The following CDK8 variants were observed in gnomAD, a reference collection of about 807,000 sequenced individuals.
The protein encoded by CDK8 is cyclin dependent kinase 8.
Under a neutral mutation model 71.5 loss-of-function variants are expected in CDK8, and 29 were observed. That is an observed-to-expected ratio of 0.41 (90% confidence interval 0.30 to 0.55). CDK8 has a LOEUF of 0.55. CDK8 is among the 20% of genes least tolerant of loss of function. CDK8 has a pLI of 0.37. For synonymous variants in CDK8, 161 were observed against 192.1 expected (o/e 0.84, Z 1.34); for missense variants, 288 against 572.6 (o/e 0.50, Z 5.07).
intron 4 of CDK8, among the ~76,000 whole-genome samples, chr13:26,365,173 G>A (rs556138113): frequency 1.3e-5 from 2 of 152,276 alleles, no homozygotes; most frequent in Admixed American, 1.3e-4. Context: ...ATTTAGGCTT[G>A]CAGATAAAAC....
At chr13:26,393,239 G>GA (rs200393346) in intron 6 of CDK8, 128 bp from the exon 7 acceptor site, 6 of 600,076 alleles carry the variant, frequency 1.0e-5, no homozygotes, top group Middle Eastern at 4.0e-4. Flanking sequence ...GGGAAAGAAA[G>GA]AAAAAAACAC....
At chr13:26,366,038 TA>T (rs1874373142) in intron 4 of CDK8, among the ~76,000 whole-genome samples, 1 of 152,138 alleles carries the variant, frequency 6.6e-6, no homozygotes, top group Non-Finnish European at 1.5e-5. Flanking sequence ...GTTTTAGAGT[TA>T]TTTTCCAGAC....
intron 1 of CDK8, among the ~76,000 whole-genome samples, chr13:26,328,668 A>G (rs1443444216): frequency 6.6e-6 from 1 of 152,228 alleles, no homozygotes; most frequent in Non-Finnish European, 1.5e-5. Flanking sequence ...TGTAAAATGT[A>G]AAATGTACTG....
chr13:26,302,939 C>G (rs891963836), intron 1 of CDK8, among the ~76,000 whole-genome samples: 1 of 152,102 alleles, frequency 6.6e-6, no homozygotes, highest in African/African-American at 2.4e-5. Context: ...CTCCTGGGCT[C>G]AAGCGATCCT....
At chr13:26,291,538 C>T (rs1192065411) in intron 1 of CDK8, among the ~76,000 whole-genome samples, 6 of 152,238 alleles carry the variant, frequency 3.9e-5, no homozygotes, top group Non-Finnish European at 8.8e-5. Context: ...TAGAATTGCA[C>T]TGTAAAGTTT....
At chr13:26,311,103 G>C (rs943680) in intron 1 of CDK8, among the ~76,000 whole-genome samples, 142,341 of 150,178 alleles carry the variant, frequency 0.95, 67,454 homozygotes, top group East Asian at 1. Context: ...TTTTTAACAT[G>C]TATAACAAAA....
At chr13:26,369,345 G>C (rs113623720) in intron 4 of CDK8, among the ~76,000 whole-genome samples, 5 of 149,708 alleles carry the variant, frequency 3.3e-5, no homozygotes, top group Admixed American at 6.7e-5. Context: ...AGCTACTCAG[G>C]AGGCTGAAGT....
chr13:26,320,827 T>C (rs1328431239), intron 1 of CDK8, among the ~76,000 whole-genome samples: 1 of 152,162 alleles, frequency 6.6e-6, no homozygotes. Flanking sequence ...GAGGTACACC[T>C]CACACTCATT....
At chr13:26,287,688 C>T (rs1006126704) in intron 1 of CDK8, among the ~76,000 whole-genome samples, 1 of 152,008 alleles carries the variant, frequency 6.6e-6, no homozygotes. Context: ...TCCATGCAAC[C>T]ACACACCGCC....
intron 1 of CDK8, among the ~76,000 whole-genome samples, chr13:26,302,390 A>G (rs1565963801): frequency 6.6e-6 from 1 of 152,230 alleles, no homozygotes; most frequent in Non-Finnish European, 1.5e-5. Context: ...ATATGAACCA[A>G]TTGATATGGA....
chr13:26,329,469 G>GT (rs35796023), intron 1 of CDK8, among the ~76,000 whole-genome samples: 9,366 of 71,402 alleles, frequency 0.13, 777 homozygotes, highest in African/African-American at 0.29. Context: ...GCCTATTTCT[G>GT]TTTTTTTTTT....
At position 26,292,484 on chromosome 13, in the gene CDK8, A is replaced by G. The variant is rs1873348739; in HGVS notation, c.128+37715A>G. On this transcript the variant is annotated intron_variant, in intron 1 of 12. Coordinates refer to ENST00000381527, the MANE Select transcript of CDK8 (RefSeq NM_001260.3). Reference sequence around the variant, plus strand: ...TTCCAACTAATAAGAAGGGAGAGAGAGTGGAGGGTCTGCAGATTTGTTTTA... The same window carrying G: ...TTCCAACTAATAAGAAGGGAGAGAGGGTGGAGGGTCTGCAGATTTGTTTTA... Among the ~76,000 whole-genome samples, 4 of 152,188 alleles carry G rather than the reference A, an allele frequency of 2.6e-5. No individual in the cohort carries two copies. In the South Asian group the frequency reaches 8.3e-4, roughly 32 times the overall value.
intron 1 of CDK8, among the ~76,000 whole-genome samples, chr13:26,278,260 A>G (rs1453217549): frequency 6.6e-6 from 1 of 152,230 alleles, no homozygotes; most frequent in Non-Finnish European, 1.5e-5. Flanking sequence ...AAAAAGTACA[A>G]GAAATTTTGC....
In CDK8 at chr13:26,389,917, G is replaced by A. The variant is rs140063641; in HGVS notation, c.647-3450G>A. Among the ~76,000 whole-genome samples the A allele has an allele frequency of 3.8e-3, 576 of 152,264 alleles. 4 individuals are homozygous for A. Among genetic ancestry groups the A allele is most frequent in the African/African-American group, 0.013 (542 of 41,550 alleles). On this transcript the variant is annotated intron_variant, in intron 6 of 12. Transcript: ENST00000381527. The stretch of plus-strand genomic sequence containing the variant: ...GGAAGCTGAGGCAGGAGAATTGCTT[G>A]AACCTGAGAGGCGGAGGTTGCAGTG...
At chr13:26,403,569 T>A (rs1297858943) in intron 12 of CDK8, among the ~76,000 whole-genome samples, 1 of 152,060 alleles carries the variant, frequency 6.6e-6, no homozygotes, top group Non-Finnish European at 1.5e-5. Context: ...TGTGTGGGGG[T>A]GAGTTTTCTA....
At chr13:26,395,785 T>C (rs541309935) in intron 7 of CDK8, among the ~76,000 whole-genome samples, 63 of 152,246 alleles carry the variant, frequency 4.1e-4, no homozygotes, top group African/African-American at 6.7e-4. Flanking sequence ...CCTTCTTCCA[T>C]TGATTGCTTA....
chr13:26,260,732 G>A (rs969726509), intron 1 of CDK8, among the ~76,000 whole-genome samples: 5 of 152,180 alleles, frequency 3.3e-5, no homozygotes, highest in Admixed American at 2.0e-4. Context: ...ATTTGCAAAC[G>A]TAACTACTTT....
At position 26,401,396 on chromosome 13, in the gene CDK8, A is replaced by C. The variant is rs747833002; in HGVS notation, c.1110+49A>C. On this transcript the variant is annotated intron_variant, in intron 11 of 12. Coordinates refer to ENST00000381527, the MANE Select transcript of CDK8 (RefSeq NM_001260.3). The surrounding 1 kb of genome is among the most constrained non-coding windows in gnomAD (Gnocchi z 4.5). ...AGCTTCTTGTTTCGTGAATGCCTCC[A>C]TAACATTTTCCATTGTGGGTATATT... The C allele has an allele frequency of 6.2e-7, 1 of 1,612,170 alleles. No homozygotes were observed. The highest frequency in any genetic ancestry group is 8.5e-7 in the Non-Finnish European group (1 of 1,178,282).
chr13:26,387,359 A>G (rs1359349107), intron 6 of CDK8, among the ~76,000 whole-genome samples: 1 of 152,188 alleles, frequency 6.6e-6, no homozygotes, highest in African/African-American at 2.4e-5. Context: ...TGTATTTAAA[A>G]ATCAGGTTAC....
Sources: gnomAD v4.1 joint callset for allele counts (sites outside exome capture counted in the v4.1 genomes callset) on GRCh38, gnomAD v4.1.1 for gene constraint, Gnocchi (gnomAD v3.1) non-coding constraint, MANE v1.5 for transcripts, NCBI Gene and HGNC (gene_info 2026-07-23, HGNC 2026-07-21) for gene names.